Variants in DCC observed in about 807,000 individuals in gnomAD.
The protein encoded by DCC is netrin receptor DCC.
DCC carries 58 observed loss-of-function variants against 172.5 expected under a neutral mutation model. The ratio of observed to expected loss-of-function variants is 0.34; its 90% CI spans 0.27 to 0.42. The LOEUF (loss-of-function observed/expected upper bound fraction) is 0.42, where lower values mean the gene tolerates loss of function less well. Ranked by LOEUF, DCC falls within the 10% of genes least tolerant of loss-of-function variation. The pLI is 1.00. For synonymous variants in DCC, 709 were observed against 644.5 expected (o/e 1.10, Z -1.52); for missense variants, 1,740 against 1,791.0 (o/e 0.97, Z 0.51).
intron 12 of DCC, among the ~76,000 whole-genome samples, chr18:53,292,498 C>A (rs1196124613): frequency 6.6e-6 from 1 of 152,054 alleles, no homozygotes; most frequent in Admixed American, 6.6e-5. Context: ...ACCAGCCTGC[C>A]CAAAATGGCA....
chr18:53,224,007 T>G (rs146259948), intron 12 of DCC, among the ~76,000 whole-genome samples: 114 of 152,314 alleles, frequency 7.5e-4, no homozygotes, highest in African/African-American at 2.2e-3. Context: ...ATACCAATTT[T>G]GAACTGTGCT....
chr18:52,806,553 A>T (rs954218849), intron 2 of DCC, among the ~76,000 whole-genome samples: 1 of 152,160 alleles, frequency 6.6e-6, no homozygotes, highest in African/African-American at 2.4e-5. Context: ...GGGATCACAA[A>T]CTTCTCAGTC....
chr18:53,099,943 C>CTTTTTTTTTTTTTTTTTTTTTTT (rs533618559), intron 7 of DCC, among the ~76,000 whole-genome samples: 2 of 92,758 alleles, frequency 2.2e-5, no homozygotes, highest in Admixed American at 1.2e-4. Context: ...TTCTTTCTTT[C>CTTTTTTTTTTTTTTTTTTTTTTT]TTTTTTTTTT....
At chr18:52,529,372 G>C (rs1347509029) in intron 1 of DCC, among the ~76,000 whole-genome samples, 1 of 152,060 alleles carries the variant, frequency 6.6e-6, no homozygotes, top group Non-Finnish European at 1.5e-5. Flanking sequence ...CTCACTGCAA[G>C]CTCCGCCTCC....
In DCC at chr18:53,459,234, A is replaced by G; in HGVS notation, c.3395A>G (p.Lys1132Arg). The G allele has an allele frequency of 6.2e-7, 1 of 1,613,614 alleles. No individual in the cohort carries two copies. ...TGCCTTCTAACTTTGTTCCATAGGAAACGGGCCACCCACAGTGCTGGCAAA... is the reference window on the plus strand; with the variant it reads ...TGCCTTCTAACTTTGTTCCATAGGAGACGGGCCACCCACAGTGCTGGCAAA... Reference protein sequence around the residue: ...TRRSSAQQRKKRATHSAGKRK... With the variant: ...TRRSSAQQRKRRATHSAGKRK... Residue 1132 changes from lysine (K) to arginine (R), a missense_variant and splice_region_variant, in exon 24 of 29, where the codon AAA (lysine) becomes AGA (arginine). Physicochemically the swap from Lys to Arg is conservative, Grantham distance 26. This residue lies in a region of DCC where 1,732 missense variants were observed against 1,767.4 expected (regional missense o/e 0.98). Coordinates refer to ENST00000442544, the MANE Select transcript of DCC (RefSeq NM_005215.4).
intron 8 of DCC, among the ~76,000 whole-genome samples, chr18:53,164,006 T>G (rs2054880819): frequency 6.6e-6 from 1 of 152,148 alleles, no homozygotes; most frequent in East Asian, 1.9e-4. Context: ...ATTATACAGC[T>G]AGTAAGTAGT....
chr18:53,438,760 TAGA>T lies in DCC; in HGVS notation c.3229+3558_3229+3560del, dbSNP rs556139969. On this transcript the variant is annotated intron_variant, in intron 22 of 28. Transcript: ENST00000442544. ...TTTCCTTTTCAAAGGTGTCAGATGT[TAGA>T]AGAAGAGAAAGAGAAATCCACATCA... 2.0e-4 allele frequency among the ~76,000 whole-genome samples: 30 copies of T among 152,330 alleles called. No homozygotes were observed. In the East Asian group the frequency reaches 5.0e-3, roughly 25 times the overall value.
intron 2 of DCC, among the ~76,000 whole-genome samples, chr18:52,837,142 G>A (rs1425899026): frequency 6.6e-6 from 1 of 152,230 alleles, no homozygotes; most frequent in Admixed American, 6.5e-5. Context: ...CACAGCAGGA[G>A]GGGCTCTGGG....
At chr18:52,870,760 AATC>A (rs1268498331) in intron 2 of DCC, among the ~76,000 whole-genome samples, 1 of 141,148 alleles carries the variant, frequency 7.1e-6, no homozygotes, top group East Asian at 2.1e-4. Context: ...TCTCTGACCC[AATC>A]ATCACGCTCC....
chr18:53,115,877 C>T (rs765483910), intron 7 of DCC, among the ~76,000 whole-genome samples: 3 of 151,438 alleles, frequency 2.0e-5, no homozygotes, highest in Non-Finnish European at 4.4e-5. Flanking sequence ...ATACTGTATT[C>T]TGTGGCAACT....
intron 5 of DCC, among the ~76,000 whole-genome samples, chr18:53,057,065 G>A (rs2042416345): frequency 2.2e-5 from 2 of 89,640 alleles, no homozygotes; most frequent in Admixed American, 2.9e-4. Context: ...GAATAGCTAA[G>A]TAACTTCTAA....
At chr18:53,320,603 G>T (rs1046624442) in intron 13 of DCC, among the ~76,000 whole-genome samples, 7 of 152,146 alleles carry the variant, frequency 4.6e-5, no homozygotes, top group African/African-American at 1.7e-4. Flanking sequence ...ATCAAAGTGA[G>T]CACGAGCCTA....
chr18:52,697,633 CTTTCTGACTTTATAG>C (rs2036036157), intron 1 of DCC, among the ~76,000 whole-genome samples: 1 of 152,170 alleles, frequency 6.6e-6, no homozygotes, highest in Admixed American at 6.5e-5. Context: ...TCAGGGAATG[CTTTCTGACTTTATAG>C]TTTTAGGAAA....
At chr18:52,577,333 A>G (rs2033438276) in intron 1 of DCC, among the ~76,000 whole-genome samples, 1 of 152,194 alleles carries the variant, frequency 6.6e-6, no homozygotes, top group South Asian at 2.1e-4. Flanking sequence ...TTACCTTTTC[A>G]TATGCTTATC....
At chr18:52,851,551 T>C (rs1470121256) in intron 2 of DCC, among the ~76,000 whole-genome samples, 1 of 152,102 alleles carries the variant, frequency 6.6e-6, no homozygotes, top group Non-Finnish European at 1.5e-5. Context: ...GTATGTTGTT[T>C]CCCTTTGGGT....
intron 2 of DCC, among the ~76,000 whole-genome samples, chr18:52,869,015 C>A (rs925210692): frequency 6.6e-6 from 1 of 152,226 alleles, no homozygotes; most frequent in African/African-American, 2.4e-5. Context: ...AACTGCAGTG[C>A]CCCAAAGAGG....
chr18:53,365,106 C>T (rs566372596), intron 15 of DCC, among the ~76,000 whole-genome samples: 39 of 150,974 alleles, frequency 2.6e-4, no homozygotes, highest in African/African-American at 8.3e-4. Context: ...CCCTGGTGTG[C>T]GATGTCCCCC....
intron 5 of DCC, among the ~76,000 whole-genome samples, chr18:52,994,413 C>T (rs1171172259): frequency 6.6e-6 from 1 of 152,012 alleles, no homozygotes; most frequent in African/African-American, 2.4e-5. Context: ...TTAAATTAAA[C>T]AAGGAAGAGA....
rs112534835 is a variant in DCC, at chr18:53,132,478, A to G, written c.1262-24878A>G. ...TTAAGTCCTTCCCCTTTCCATTCTG[A>G]TCCTCACTTGGTCTTCCAACCATTG... On this transcript the variant is annotated intron_variant, in intron 7 of 28. Coordinates refer to ENST00000442544, the MANE Select transcript of DCC (RefSeq NM_005215.4). Among the ~76,000 whole-genome samples, 1,489 of 152,176 alleles carry G rather than the reference A, an allele frequency of 9.8e-3. 34 individuals are homozygous for G. The highest frequency in any genetic ancestry group is 0.033 in the African/African-American group (1,384 of 41,532).
Sources: gnomAD v4.1 joint callset for allele counts (sites outside exome capture counted in the v4.1 genomes callset) on GRCh38, gnomAD v4.1.1 for gene constraint, gnomAD v4.1.1 regional missense constraint, MANE v1.5 for transcripts, NCBI Gene and HGNC (gene_info 2026-07-23, HGNC 2026-07-21) for gene names.